Variants in FNBP1L observed in about 807,000 individuals in gnomAD.
FNBP1L encodes the protein formin-binding protein 1-like.
In FNBP1L, 36 loss-of-function variants were observed where a neutral mutation model predicts 91.2. The ratio of observed to expected loss-of-function variants is 0.39; its 90% CI spans 0.30 to 0.52. The LOEUF (loss-of-function observed/expected upper bound fraction) is 0.52. Ranked by LOEUF, FNBP1L falls within the 20% of genes least tolerant of loss-of-function variation. The pLI is 0.66. For synonymous variants in FNBP1L, 242 were observed against 237.0 expected (o/e 1.02, Z -0.19); for missense variants, 571 against 732.1 (o/e 0.78, Z 2.54).
chr1:93,526,629 C>T (rs1402330815), intron 5 of FNBP1L, among the ~76,000 whole-genome samples: 2 of 152,124 alleles, frequency 1.3e-5, no homozygotes, highest in Non-Finnish European at 2.9e-5. Flanking sequence ...TGCCTCTGTA[C>T]TGGGCGGGGC....
intron 1 of FNBP1L, among the ~76,000 whole-genome samples, chr1:93,466,313 T>C (rs1443890074): frequency 6.6e-6 from 1 of 152,236 alleles, no homozygotes; most frequent in Non-Finnish European, 1.5e-5. Flanking sequence ...TAGGTTTTCT[T>C]CAAGAGTTTT....
At chr1:93,479,880 A>AG (rs1176157958) in intron 1 of FNBP1L, among the ~76,000 whole-genome samples, 2 of 152,196 alleles carry the variant, frequency 1.3e-5, no homozygotes, top group Non-Finnish European at 2.9e-5. Flanking sequence ...AGTGGTCCTG[A>AG]GGTGACGTAC....
intron 1 of FNBP1L, among the ~76,000 whole-genome samples, chr1:93,470,913 G>A (rs538100395): frequency 1.2e-4 from 18 of 151,846 alleles, no homozygotes; most frequent in African/African-American, 4.3e-4. Context: ...GGGGTCTTAG[G>A]TAATGAAAAT....
chr1:93,513,966 G>T (rs372624281), intron 2 of FNBP1L, among the ~76,000 whole-genome samples: 6 of 152,102 alleles, frequency 3.9e-5, no homozygotes, highest in African/African-American at 1.4e-4. Flanking sequence ...ATTAGGAAAA[G>T]AGGAAGTCAA....
chr1:93,455,284 C>T (rs1668622919), intron 1 of FNBP1L, among the ~76,000 whole-genome samples: 1 of 152,226 alleles, frequency 6.6e-6, no homozygotes, highest in African/African-American at 2.4e-5. Context: ...CCTCAAACTC[C>T]TGGGCTCAAG....
chr1:93,537,277 C>T (rs1478114597), intron 10 of FNBP1L, among the ~76,000 whole-genome samples: 1 of 152,020 alleles, frequency 6.6e-6, no homozygotes, highest in East Asian at 1.9e-4. Context: ...GGTTCATTAA[C>T]CCATAGATGA....
At chr1:93,468,436 T>C (rs1453774048) in intron 1 of FNBP1L, among the ~76,000 whole-genome samples, 1 of 152,196 alleles carries the variant, frequency 6.6e-6, no homozygotes, top group Non-Finnish European at 1.5e-5. Flanking sequence ...AATTTTTCTT[T>C]CTGTGTTTCT....
intron 1 of FNBP1L, among the ~76,000 whole-genome samples, chr1:93,456,345 C>T (rs767613794): frequency 4.6e-5 from 7 of 152,036 alleles, no homozygotes; most frequent in Non-Finnish European, 1.5e-5. Flanking sequence ...TATTTGTATA[C>T]TTGTTATAGT....
At chr1:93,456,460 TTGC>T (rs1668663684) in intron 1 of FNBP1L, among the ~76,000 whole-genome samples, 1 of 152,104 alleles carries the variant, frequency 6.6e-6, no homozygotes, top group Non-Finnish European at 1.5e-5. Flanking sequence ...TGCTGTGTCC[TTGC>T]TGCACACCCA....
chr1:93,539,551 G>A (rs1671959319), intron 10 of FNBP1L, among the ~76,000 whole-genome samples: 1 of 151,896 alleles, frequency 6.6e-6, no homozygotes, highest in African/African-American at 2.4e-5. Context: ...TTATCTTAAT[G>A]TTTTCTCTAA....
chr1:93,519,253 A>G (rs947138142), intron 2 of FNBP1L, among the ~76,000 whole-genome samples: 35 of 152,192 alleles, frequency 2.3e-4, no homozygotes, highest in African/African-American at 7.9e-4. Context: ...TCACGTTACT[A>G]CTTGCAATTC....
At chr1:93,483,831 C>T (rs528703015) in intron 1 of FNBP1L, among the ~76,000 whole-genome samples, 1 of 152,316 alleles carries the variant, frequency 6.6e-6, no homozygotes, top group South Asian at 2.1e-4. Context: ...AGAGAATTTA[C>T]TTAAGTGAAC....
chr1:93,460,895 G>C (rs1278811283), intron 1 of FNBP1L, among the ~76,000 whole-genome samples: 1 of 152,168 alleles, frequency 6.6e-6, no homozygotes, highest in Non-Finnish European at 1.5e-5. Flanking sequence ...ATACTTGAAA[G>C]TTGCTGTAAG....
chr1:93,529,233 T>G (rs1156525211), intron 5 of FNBP1L, among the ~76,000 whole-genome samples: 1 of 152,142 alleles, frequency 6.6e-6, no homozygotes, highest in Non-Finnish European at 1.5e-5. Flanking sequence ...ACACATTTTT[T>G]GAGTGAGATA....
intron 2 of FNBP1L, among the ~76,000 whole-genome samples, chr1:93,513,654 A>G (rs1321560161): frequency 7.9e-5 from 12 of 152,318 alleles, no homozygotes; most frequent in East Asian, 5.8e-4. Context: ...TATAAACAGA[A>G]CCAATGACAA....
chr1:93,448,599 T>G (rs1035185651), intron 1 of FNBP1L, among the ~76,000 whole-genome samples: 1 of 152,060 alleles, frequency 6.6e-6, no homozygotes, highest in Non-Finnish European at 1.5e-5. Flanking sequence ...TGATCCCCTC[T>G]TGTTCCTTCT....
intron 2 of FNBP1L, among the ~76,000 whole-genome samples, chr1:93,519,439 C>A (rs956982817): frequency 3.3e-5 from 5 of 152,232 alleles, no homozygotes; most frequent in African/African-American, 1.2e-4. Context: ...GTCAGCAAAT[C>A]AGAAATTTTA....
At chr1:93,464,223 A>G (rs889358302) in intron 1 of FNBP1L, among the ~76,000 whole-genome samples, 9 of 152,240 alleles carry the variant, frequency 5.9e-5, no homozygotes, top group African/African-American at 1.7e-4. Context: ...TTCTGAGCAT[A>G]TACCCAAAGA....
chr1:93,470,899 A>G (rs1320779664), intron 1 of FNBP1L, among the ~76,000 whole-genome samples: 1 of 151,940 alleles, frequency 6.6e-6, no homozygotes, highest in Non-Finnish European at 1.5e-5. Context: ...AGTCCAGGAA[A>G]TGTGGGGTCT....
Sources: allele counts gnomAD v4.1 joint callset (sites outside exome capture counted in the v4.1 genomes callset), GRCh38; gene constraint gnomAD v4.1.1; transcripts MANE v1.5; gene names NCBI Gene and HGNC (gene_info 2026-07-23, HGNC 2026-07-21).